The following TBCD variants were observed in gnomAD, a reference collection of about 807,000 sequenced individuals.
The protein encoded by TBCD is tubulin folding cofactor D.
Under a neutral mutation model 169.3 loss-of-function variants are expected in TBCD, and 105 were observed. The ratio of observed to expected loss-of-function variants is 0.62; its 90% CI spans 0.53 to 0.73. The LOEUF (loss-of-function observed/expected upper bound fraction) is 0.73. Among genes scored for constraint, TBCD ranks in the 30% least tolerant of loss-of-function variants. The pLI is 0.00. For synonymous variants in TBCD, 700 were observed against 643.9 expected (o/e 1.09, Z -1.32); for missense variants, 1,444 against 1,600.1 (o/e 0.90, Z 1.66).
At chr17:82,801,082 G>T in intron 9 of TBCD, 86 bp downstream of exon 9, 2 of 1,405,228 alleles carry the variant, frequency 1.4e-6, no homozygotes, top group Non-Finnish European at 1.9e-6. Context: ...ATGAGGGCGG[G>T]GCAGGTGCTG....
chr17:82,783,165 T>C (rs2049068296), intron 7 of TBCD, among the ~76,000 whole-genome samples: 1 of 152,124 alleles, frequency 6.6e-6, no homozygotes, highest in Admixed American at 6.5e-5. Flanking sequence ...GGAAGTGTCC[T>C]CCTCAATGTC....
chr17:82,843,280 T>TTCCCC (rs147048598), intron 13 of TBCD, among the ~76,000 whole-genome samples: 54,198 of 138,770 alleles, frequency 0.39, 10,969 homozygotes, highest in East Asian at 0.5. Context: ...TTCCCTTCCC[T>TTCCCC]TCCCCTCCCT....
chr17:82,906,150 T>C lies in TBCD; in HGVS notation c.1922+97T>C, dbSNP rs544020236. On this transcript the variant is annotated intron_variant, in intron 20 of 38. Transcript: ENST00000355528. ...TCCAGTTCGAGACTCTCTCATCCCT[T>C]CTCATTTTTGTTTATCTGCACCAGT... 1.4e-5 allele frequency: 14 copies of C among 976,254 alleles called. No individual in the cohort carries two copies. The South Asian group carries it at 2.2e-4, about 15-fold the overall frequency. The allele number at this position is 976,254 out of a possible 1,614,324, so 60.5% of individuals were successfully genotyped here. A position where few individuals can be genotyped will look rare whatever the true frequency, so the allele number is the denominator to read the frequency against.
In TBCD at chr17:82,889,579, T is replaced by G; in HGVS notation, c.1534-89T>G. ...ATTTAAAAAATAAAGCCGTGGGTCATTCACGTTGTGCTGTTTGTTCTGAAC... is the reference window on the plus strand; with the variant it reads ...ATTTAAAAAATAAAGCCGTGGGTCAGTCACGTTGTGCTGTTTGTTCTGAAC... On this transcript the variant is annotated intron_variant, in intron 15 of 38. Transcript: ENST00000355528. This position sits in a 1 kb window ranked among gnomAD's most constrained non-coding sequence, Gnocchi z 5.3. The G allele has an allele frequency of 1.3e-6, 2 of 1,520,224 alleles. No individual in the cohort carries two copies. Among genetic ancestry groups the G allele is most frequent in the South Asian group, 1.1e-5 (1 of 87,666 alleles). 94.2% of individuals were successfully genotyped at this position (1,520,224 alleles called of 1,614,324 possible).
chr17:82,800,423 G>T (rs2050423826), intron 8 of TBCD, among the ~76,000 whole-genome samples: 2 of 152,236 alleles, frequency 1.3e-5, no homozygotes, highest in Admixed American at 1.3e-4. Flanking sequence ...TGGCCTGTGT[G>T]TTCTCCCCAG....
intron 13 of TBCD, among the ~76,000 whole-genome samples, chr17:82,869,058 C>T (rs1404857434): frequency 6.6e-6 from 1 of 152,172 alleles, no homozygotes; most frequent in African/African-American, 2.4e-5. Flanking sequence ...GCGTGAGGGC[C>T]ACCTGGGGAG....
chr17:82,830,915 T>C, intron 13 of TBCD: 5 of 1,613,042 alleles, frequency 3.1e-6, no homozygotes, highest in African/African-American at 2.7e-5. Context: ...AGGAGCTTGC[T>C]TAGAAAAGCA....
At chr17:82,863,297 T>G (rs912606069) in intron 13 of TBCD, among the ~76,000 whole-genome samples, 7 of 152,140 alleles carry the variant, frequency 4.6e-5, no homozygotes, top group Admixed American at 3.9e-4. Flanking sequence ...CTTTGGCCTG[T>G]GCTGTGTGCC....
intron 6 of TBCD, among the ~76,000 whole-genome samples, chr17:82,775,987 C>T (rs113801049): frequency 5.9e-5 from 9 of 152,156 alleles, no homozygotes; most frequent in East Asian, 3.9e-4. Context: ...GAGGCTGAGG[C>T]GGGTGGATCA....
chr17:82,909,288 T>C lies in TBCD; in HGVS notation c.1987T>C (p.Tyr663His). 1 of 1,520,400 alleles carries C rather than the reference T, an allele frequency of 6.6e-7. No individual in the cohort carries two copies. Among genetic ancestry groups the C allele is most frequent in the Non-Finnish European group, 8.9e-7 (1 of 1,120,780 alleles). The allele number at this position is 1,520,400 out of a possible 1,614,324, so 94.2% of individuals were successfully genotyped here. Residue 663 changes from tyrosine to histidine, a missense_variant, in exon 22 of 39, where the codon TAT becomes CAT. Tyr to His is a moderately conservative substitution (Grantham distance 83). Transcript: ENST00000355528. The part of the protein sequence containing the change: ...QGLKQIHQQL[Y>H]DRQLYRGLGG... ...ACTTTCAGTTTTTTATTTTCAGCTC[T>C]ATGATCGTCAGTTATACAGGTGAGC...
At chr17:82,753,196 C>A (rs1260218812) in intron 1 of TBCD, among the ~76,000 whole-genome samples, 2 of 152,070 alleles carry the variant, frequency 1.3e-5, no homozygotes, top group African/African-American at 4.8e-5. Context: ...AATGACAGCG[C>A]TTTGATTTTA....
intron 13 of TBCD, among the ~76,000 whole-genome samples, chr17:82,828,554 C>A (rs1408328117): frequency 6.9e-6 from 1 of 145,888 alleles, no homozygotes; most frequent in African/African-American, 2.5e-5. Flanking sequence ...GGAATGTGCC[C>A]CCCCCGATTG....
chr17:82,806,506 A>G lies in TBCD; in HGVS notation c.1087+495A>G, dbSNP rs539821353. Among the ~76,000 whole-genome samples the G allele has an allele frequency of 6.6e-6, 1 of 152,166 alleles. No homozygotes were observed. Among genetic ancestry groups the G allele is most frequent in the East Asian group, 1.9e-4 (1 of 5,168 alleles). ...GACAGAGCCATCAGCGGAGCCCCTC[A>G]TGGCGGCCATCCTGGGCTCCTGTCC... is the stretch of plus-strand genomic sequence containing the variant. On this transcript the variant is annotated intron_variant, in intron 10 of 38. Transcript: ENST00000355528. This position sits in a 1 kb window ranked among gnomAD's most constrained non-coding sequence, Gnocchi z 5.1.
intron 13 of TBCD, among the ~76,000 whole-genome samples, chr17:82,850,686 C>T (rs1375122140): frequency 1.3e-5 from 2 of 152,082 alleles, no homozygotes; most frequent in African/African-American, 4.8e-5. Flanking sequence ...GACCCCGGAC[C>T]CCCTACAGTA....
At position 82,766,349 on chromosome 17, in the gene TBCD, A is replaced by G; in HGVS notation, c.416A>G (p.Gln139Arg). Reference protein sequence around the residue: ...VEPVLDLVTIQNPKDHEAWET... With the variant: ...VEPVLDLVTIRNPKDHEAWET... ...CCTGTTTTAGATTTGGTCACAATTC[A>G]GAATCCCAAGGACCATGAAGTGAGT... Residue 139 changes from glutamine (Q) to arginine (R), a missense_variant, in exon 4 of 39, where the codon CAG becomes CGG. Gln to Arg is a conservative substitution (Grantham distance 43). Coordinates refer to ENST00000355528, the MANE Select transcript of TBCD (RefSeq NM_005993.5). 6.2e-7 allele frequency: 1 copy of G among 1,612,630 alleles called. No homozygotes were observed.
In TBCD at chr17:82,925,029, G is replaced by A. The variant is rs1278894404; in HGVS notation, c.2351G>A (p.Gly784Asp). 1.2e-5 allele frequency: 19 copies of A among 1,563,716 alleles called. No homozygotes were observed. The highest frequency in any genetic ancestry group is 1.4e-5 in the Non-Finnish European group (16 of 1,153,562). ...GFSLALGALP[G>D]FLLKGRLQQV... ...TCGTTGGCCTTGGGCGCCCTTCCAG[G>A]CTTCCTTCTGAAAGGCCGGCTCCAG... is the stretch of plus-strand genomic sequence containing the variant. Residue 784 changes from glycine (G) to aspartate (D), a missense_variant, in exon 27 of 39, where the codon GGC (glycine) becomes GAC (aspartate). Physicochemically the swap from Gly to Asp is moderately conservative, Grantham distance 94 (BLOSUM62 -1). Transcript: ENST00000355528.
rs750413434 is a variant in TBCD, at chr17:82,930,689, G to T, written c.3113+46G>T. The T allele has an allele frequency of 6.2e-7, 1 of 1,612,328 alleles. No homozygotes were observed. Among genetic ancestry groups the T allele is most frequent in the South Asian group, 1.1e-5 (1 of 90,980 alleles). On this transcript the variant is annotated intron_variant, in intron 33 of 38. Transcript: ENST00000355528. This position sits in a 1 kb window ranked among gnomAD's most constrained non-coding sequence, Gnocchi z 5.2. ...CCTCAGAGGCGTGAGTGGTGCTGGT[G>T]CCTCTCACCACGTTCCCACAGATTC...
intron 34 of TBCD, among the ~76,000 whole-genome samples, chr17:82,933,768 C>T (rs750285581): frequency 1.3e-5 from 2 of 152,160 alleles, no homozygotes; most frequent in Non-Finnish European, 2.9e-5. Flanking sequence ...TGCACCATCA[C>T]ACCTGGCTGA....
chr17:82,911,892 G>T, intron 23 of TBCD, 103 bp downstream of exon 23: 12 of 1,221,638 alleles, frequency 9.8e-6, no homozygotes, highest in Non-Finnish European at 1.3e-5. Flanking sequence ...CCCCCAGGGT[G>T]AAGGGCTGGG....
Sources: allele counts gnomAD v4.1 joint callset (sites outside exome capture counted in the v4.1 genomes callset), GRCh38; gene constraint gnomAD v4.1.1; non-coding constraint Gnocchi (gnomAD v3.1); transcripts MANE v1.5; gene names NCBI Gene and HGNC (gene_info 2026-07-23, HGNC 2026-07-21).